The following SENP5 variants were observed in gnomAD, a reference collection of about 807,000 sequenced individuals.
The protein encoded by SENP5 is sentrin-specific protease 5.
A neutral mutation model predicts 74.2 loss-of-function variants in SENP5; 21 were observed. The ratio of observed to expected loss-of-function variants is 0.28; its 90% CI spans 0.20 to 0.41. SENP5 has a LOEUF of 0.41. SENP5 is among the 10% of genes least tolerant of loss of function. The pLI is 1.00. For synonymous variants in SENP5, 311 were observed against 312.7 expected (o/e 0.99, Z 0.06); for missense variants, 717 against 889.1 (o/e 0.81, Z 2.46).
chr3:196,904,585 T>G (rs935149659), intron 6 of SENP5, among the ~76,000 whole-genome samples: 1 of 151,856 alleles, frequency 6.6e-6, no homozygotes, highest in Admixed American at 6.6e-5. Flanking sequence ...GTCAGGAGTT[T>G]GAGATCAGCC....
chr3:196,888,693 GTGCATA>G (rs1714081835), intron 2 of SENP5, among the ~76,000 whole-genome samples: 1 of 152,098 alleles, frequency 6.6e-6, no homozygotes, highest in African/African-American at 2.4e-5. Context: ...GTATATATGT[GTGCATA>G]TGCATTTGTA....
chr3:196,886,788 C>T, intron 2 of SENP5, 94 bp downstream of exon 2: 1 of 1,019,816 alleles, frequency 9.8e-7, no homozygotes, highest in Non-Finnish European at 1.4e-6. Context: ...TTCTCCCACT[C>T]ATGAATATTT....
In SENP5 at chr3:196,922,121, C is replaced by CA. The variant is rs757393812; in HGVS notation, c.1885-1291dup. 4.7e-4 allele frequency among the ~76,000 whole-genome samples: 72 copies of CA among 152,306 alleles called. 1 individual carries two copies. Among genetic ancestry groups the CA allele is most frequent in the Admixed American group, 9.8e-4 (15 of 15,296 alleles). On this transcript the variant is annotated intron_variant, in intron 6 of 9. Transcript: ENST00000323460. ...AATTTTGACATTTGAGAGACCCAAG[C>CA]AAGTAATCATAATAATAACTAAGGT...
chr3:196,908,363 G>T (rs551029994), intron 6 of SENP5, among the ~76,000 whole-genome samples: 1 of 152,268 alleles, frequency 6.6e-6, no homozygotes, highest in African/African-American at 2.4e-5. Context: ...AAGAAATTAA[G>T]GCAGAAATCA....
chr3:196,886,458 A>G lies in SENP5; in HGVS notation c.1277A>G (p.Asp426Gly), dbSNP rs770463777. Reference sequence around the variant, plus strand: ...GCAGATACATCTGTGAGTAGCGTAGATGGGCCTGTGTCCCAAAAGGCTGTT... The same window carrying G: ...GCAGATACATCTGTGAGTAGCGTAGGTGGGCCTGTGTCCCAAAAGGCTGTT... ...SGADTSVSSV[D>G]GPVSQKAVQN... is the part of the protein sequence containing the mutation. Residue 426 changes from aspartate to glycine, a missense_variant, in exon 2 of 10, where the codon GAT (aspartate) becomes GGT (glycine). Physicochemically the swap from Asp to Gly is moderately conservative, Grantham distance 94. Transcript: ENST00000323460. The G allele has an allele frequency of 6.2e-6, 10 of 1,610,576 alleles. No homozygotes were observed. Among genetic ancestry groups the G allele is most frequent in the Non-Finnish European group, 7.6e-6 (9 of 1,178,084 alleles).
chr3:196,889,614 T>G (rs913291946), intron 2 of SENP5, among the ~76,000 whole-genome samples: 2 of 152,330 alleles, frequency 1.3e-5, no homozygotes, highest in East Asian at 3.9e-4. Context: ...AATAGCAGTT[T>G]CAGGTTTAAG....
intron 2 of SENP5, 29 bp downstream of exon 2, chr3:196,886,723 A>G (rs201757279): frequency 3.0e-5 from 45 of 1,486,654 alleles, no homozygotes; most frequent in East Asian, 2.3e-4. Flanking sequence ...TTCTCCCTCA[A>G]ACTCCAAGCT....
Position 196,933,994 on chromosome 3 carries a change from A to G in SENP5, c.*3071A>G, listed in dbSNP as rs1318758696. 6.6e-6 allele frequency: 1 copy of G among 152,236 alleles called. No homozygotes were observed. Among genetic ancestry groups the G allele is most frequent in the Admixed American group, 6.5e-5 (1 of 15,278 alleles). The allele number at this position is 152,236 out of a possible 1,614,324, so 9.4% of individuals were successfully genotyped here. A position where few individuals can be genotyped will look rare whatever the true frequency, so the allele number is the denominator to read the frequency against. On this transcript the variant is annotated 3_prime_UTR_variant, in exon 10 of 10. Transcript: ENST00000323460. ...CAACAAGCTGCCCAGTCCTCTCCTCAGCAGACGCATCAGGTTGTAGTTGCA... is the reference window on the plus strand; with the variant it reads ...CAACAAGCTGCCCAGTCCTCTCCTCGGCAGACGCATCAGGTTGTAGTTGCA...
In SENP5 at chr3:196,886,065, A is replaced by G. The variant is rs1266469458; in HGVS notation, c.884A>G (p.Glu295Gly). The change falls in exon 2 of 10, where the codon GAA (glutamate) becomes GGA (glycine). Residue 295 changes from glutamate to glycine, a missense_variant. Physicochemically the swap from Glu to Gly is moderately conservative, Grantham distance 98. Coordinates refer to ENST00000323460, the MANE Select transcript of SENP5 (RefSeq NM_152699.5). ...GGSCSPFPSPEPKDPSCRHQP... is the reference protein window; with the variant it reads ...GGSCSPFPSPGPKDPSCRHQP... ...AGTTGCAGCCCATTTCCTTCCCCAG[A>G]ACCTAAAGACCCTTCTTGTCGGCAT... The G allele has an allele frequency of 6.2e-7, 1 of 1,614,108 alleles. No homozygotes were observed. Among genetic ancestry groups the G allele is most frequent in the Non-Finnish European group, 8.5e-7 (1 of 1,180,040 alleles).
chr3:196,914,586 A>AAAAAAAAAAATATATATATATATATATAT, intron 6 of SENP5: 1 of 33,510 alleles, frequency 3.0e-5, no homozygotes, highest in Non-Finnish European at 5.1e-5. Context: ...AAAAAAAAAA[A>AAAAAAAAAAATATATATATATATATATAT]ATATATATAT....
intron 2 of SENP5, among the ~76,000 whole-genome samples, chr3:196,891,384 C>G (rs893609163): frequency 6.6e-6 from 1 of 152,078 alleles, no homozygotes; most frequent in Non-Finnish European, 1.5e-5. Flanking sequence ...GTTACACAAT[C>G]TGAATATATT....
intron 6 of SENP5, chr3:196,912,956 AT>A (rs1455206805): frequency 6.6e-6 from 1 of 152,264 alleles, no homozygotes; most frequent in Non-Finnish European, 1.5e-5. Flanking sequence ...AATCATATTA[AT>A]AGCAGTTGAA....
intron 7 of SENP5, 112 bp from the exon 8 acceptor site, chr3:196,927,684 G>T: frequency 1.0e-5 from 6 of 576,658 alleles, no homozygotes; most frequent in South Asian, 2.3e-5. Context: ...TGCATATTCT[G>T]CCCAGTTATG....
At chr3:196,877,208 G>A (rs1713515759) in intron 1 of SENP5, among the ~76,000 whole-genome samples, 1 of 151,812 alleles carries the variant, frequency 6.6e-6, no homozygotes, top group African/African-American at 2.4e-5. Flanking sequence ...TTTAGAGATG[G>A]AGTCTCACTG....
At position 196,923,400 on chromosome 3, in the gene SENP5, C is replaced by G. The variant is rs1325587492; in HGVS notation, c.1885-14C>G. The G allele has an allele frequency of 3.8e-6, 6 of 1,591,644 alleles. No homozygotes were observed. Among genetic ancestry groups the G allele is most frequent in the Non-Finnish European group, 5.1e-6 (6 of 1,173,290 alleles). ...TGTGGTGATGGCTGCATTTCTTTCT[C>G]TTTTCTTGATCAGGTGGATTTGTTT... On this transcript the variant is annotated splice_polypyrimidine_tract_variant and intron_variant, in intron 6 of 9. Coordinates refer to ENST00000323460, the MANE Select transcript of SENP5 (RefSeq NM_152699.5).
At chr3:196,919,727 A>C (rs931830589) in intron 6 of SENP5, among the ~76,000 whole-genome samples, 5 of 151,614 alleles carry the variant, frequency 3.3e-5, no homozygotes, top group African/African-American at 1.2e-4. Context: ...CAGGAGGCGG[A>C]GGTTGCAGTG....
intron 1 of SENP5, among the ~76,000 whole-genome samples, chr3:196,880,916 C>A (rs1034778499): frequency 1.3e-5 from 2 of 151,878 alleles, no homozygotes; most frequent in South Asian, 4.2e-4. Context: ...GTTGGGATTA[C>A]AGGCATGAGC....
At chr3:196,929,483 A>C (rs1272559339) in intron 8 of SENP5, 150 bp from the exon 9 acceptor site, 2 of 553,234 alleles carry the variant, frequency 3.6e-6, no homozygotes, top group East Asian at 6.6e-5. Context: ...GTGCCTCCAT[A>C]AAATTAGATG....
At chr3:196,928,095 T>A (rs1484242042) in intron 8 of SENP5, among the ~76,000 whole-genome samples, 3 of 152,182 alleles carry the variant, frequency 2.0e-5, no homozygotes, top group Non-Finnish European at 4.4e-5. Context: ...AGTCATTTCC[T>A]CCCTGAGGAA....
Sources: allele counts gnomAD v4.1 joint callset (sites outside exome capture counted in the v4.1 genomes callset), GRCh38; gene constraint gnomAD v4.1.1; transcripts MANE v1.5; gene names NCBI Gene and HGNC (gene_info 2026-07-23, HGNC 2026-07-21).